ADORA2B: variants seen among roughly 807,000 people sequenced by gnomAD.
The protein encoded by ADORA2B is adenosine A2b receptor, also known as adenosine receptor A2b.
ADORA2B carries 18 observed loss-of-function variants against 20.8 expected under a neutral mutation model. The ratio of observed to expected loss-of-function variants is 0.87; its 90% CI spans 0.60 to 1.29. The LOEUF (loss-of-function observed/expected upper bound fraction) is 1.29, where lower values mean the gene tolerates loss of function less well. Among genes scored for constraint, ADORA2B ranks in the 50% most tolerant of loss-of-function variants. The probability of loss-of-function intolerance (pLI) is 0.00; values close to 1 mark genes in which losing one functional copy is unlikely to be tolerated. For missense variants in ADORA2B, 441 were observed against 422.7 expected (o/e 1.04, Z -0.38); for synonymous variants, 179 against 178.3 (o/e 1.00, Z -0.03).
the ADORA2B span, among the ~76,000 whole-genome samples, chr17:15,881,146 G>T: frequency 1.3e-5 from 2 of 152,052 alleles, no homozygotes; most frequent in African/African-American, 2.4e-5. Context: ...CTGTCGCCCA[G>T]GCTGGAGTAC....
the ADORA2B span, among the ~76,000 whole-genome samples, chr17:15,918,988 A>G: frequency 6.6e-6 from 1 of 152,100 alleles, no homozygotes; most frequent in Non-Finnish European, 1.5e-5. Flanking sequence ...CTGAGCCCCC[A>G]CCACCAACAT....
chr17:15,890,460 T>TTTATTTA, the ADORA2B span, among the ~76,000 whole-genome samples: 2 of 83,312 alleles, frequency 2.4e-5, 1 homozygote, highest in Non-Finnish European at 5.4e-5. Flanking sequence ...CATTCCTTTC[T>TTTATTTA]TTTATTTATT....
At chr17:15,960,541 G>A (rs28835276) in intron 1 of ADORA2B, among the ~76,000 whole-genome samples, 266 of 1,966 alleles carry the variant, frequency 0.14, 59 homozygotes, top group African/African-American at 0.15. Context: ...GCGACAGAGC[G>A]AGACTCCGTC....
At chr17:15,888,852 T>TA in the ADORA2B span, among the ~76,000 whole-genome samples, 6 of 19,644 alleles carry the variant, frequency 3.1e-4, no homozygotes, top group South Asian at 1.7e-3. Flanking sequence ...ATATATATAT[T>TA]TTTTTTTTTT....
At chr17:15,875,422 G>A in the ADORA2B span, among the ~76,000 whole-genome samples, 1 of 152,268 alleles carries the variant, frequency 6.6e-6, no homozygotes, top group Non-Finnish European at 1.5e-5. Context: ...TCCTGTCTTT[G>A]CGTTCTCTCA....
chr17:15,948,792 G>A (rs1258023818), intron 1 of ADORA2B, among the ~76,000 whole-genome samples: 1 of 152,138 alleles, frequency 6.6e-6, no homozygotes, highest in African/African-American at 2.4e-5. Context: ...GCCACATTGA[G>A]GCTTTTCTCT....
chr17:15,898,634 T>C, the ADORA2B span, among the ~76,000 whole-genome samples: 1 of 152,124 alleles, frequency 6.6e-6, no homozygotes, highest in Non-Finnish European at 1.5e-5. Flanking sequence ...CCCAAAGTTC[T>C]GGGATTACAG....
the ADORA2B span, among the ~76,000 whole-genome samples, chr17:15,871,877 A>G: frequency 1.3e-5 from 2 of 152,178 alleles, no homozygotes; most frequent in Non-Finnish European, 2.9e-5. Flanking sequence ...AGCTGTGGCC[A>G]TGACTTCATG....
chr17:15,907,732 C>T, the ADORA2B span, among the ~76,000 whole-genome samples: 11 of 152,170 alleles, frequency 7.2e-5, no homozygotes, highest in African/African-American at 2.4e-4. Flanking sequence ...TGGTTGCATT[C>T]GAAATTGGTT....
chr17:15,959,096 T>G (rs953635056), intron 1 of ADORA2B, among the ~76,000 whole-genome samples: 2 of 152,078 alleles, frequency 1.3e-5, no homozygotes, highest in African/African-American at 2.4e-5. Context: ...AGAGGAGAGA[T>G]AGGAGAAACT....
At chr17:15,923,717 A>G in the ADORA2B span, among the ~76,000 whole-genome samples, 14 of 151,684 alleles carry the variant, frequency 9.2e-5, no homozygotes, top group Admixed American at 6.6e-5. Context: ...CATTGCCCAT[A>G]TTTCTTAGTG....
chr17:15,915,629 A>C, the ADORA2B span, among the ~76,000 whole-genome samples: 2 of 152,240 alleles, frequency 1.3e-5, no homozygotes, highest in African/African-American at 4.8e-5. Context: ...AAAGGGAATG[A>C]GATTAATTAT....
At chr17:15,905,571 G>A in the ADORA2B span, among the ~76,000 whole-genome samples, 13 of 151,612 alleles carry the variant, frequency 8.6e-5, no homozygotes, top group Admixed American at 2.0e-4. Context: ...TAGTAGAGAC[G>A]GGTTTTCACC....
chr17:15,944,941 C>T (rs79347649), upstream of ADORA2B: 6,109 of 221,668 alleles, frequency 0.028, 428 homozygotes, highest in African/African-American at 0.13. The surrounding 1 kb of genome is among the most constrained non-coding windows in gnomAD (Gnocchi z 4.8). Context: ...TTATCCGCCG[C>T]CACCAAGACG....
chr17:15,880,211 T>C, the ADORA2B span, among the ~76,000 whole-genome samples: 1 of 139,814 alleles, frequency 7.2e-6, no homozygotes, highest in East Asian at 2.0e-4. Flanking sequence ...TGTTGAAGTC[T>C]CTTCCTCTGA....
the ADORA2B span, among the ~76,000 whole-genome samples, chr17:15,883,886 A>AG: frequency 1.3e-5 from 2 of 152,244 alleles, no homozygotes; most frequent in Non-Finnish European, 2.9e-5. Context: ...CAGAGAGTGA[A>AG]GTAGGCAGTG....
intron 1 of ADORA2B, among the ~76,000 whole-genome samples, chr17:15,956,806 G>A (rs1221321454): frequency 6.6e-6 from 1 of 151,984 alleles, no homozygotes. Flanking sequence ...CACCATGCTG[G>A]TCAGGCTGGT....
rs1194054137 is a variant in ADORA2B, at chr17:15,974,711, G to C, written c.368G>C (p.Arg123Thr). ...AGTTTGGTCACGGGGACCCGAGCAA[G>C]AGGGGTCATTGCTGTCCTCTGGGTC... is the stretch of plus-strand genomic sequence containing the variant. ...YKSLVTGTRA[R>T]GVIAVLWVLA... The change falls in exon 2 of 2, where the codon AGA becomes ACA. Residue 123 changes from arginine to threonine, a missense_variant. Physicochemically the swap from Arg to Thr is moderately conservative, Grantham distance 71. Transcript: ENST00000304222. The C allele has an allele frequency of 1.2e-6, 2 of 1,614,104 alleles. No homozygotes were observed. Among genetic ancestry groups the C allele is most frequent in the South Asian group, 1.1e-5 (1 of 91,076 alleles).
At chr17:15,867,258 G>C in the ADORA2B span, among the ~76,000 whole-genome samples, 1 of 152,024 alleles carries the variant, frequency 6.6e-6, no homozygotes. Flanking sequence ...TGTCTGGGAT[G>C]TGAGGAGCCT....
Sources: gnomAD v4.1 joint callset for allele counts (sites outside exome capture counted in the v4.1 genomes callset) on GRCh38, gnomAD v4.1.1 for gene constraint, Gnocchi (gnomAD v3.1) non-coding constraint, MANE v1.5 for transcripts, NCBI Gene and HGNC (gene_info 2026-07-23, HGNC 2026-07-21) for gene names.